Variants in BACE1 observed in about 807,000 individuals in gnomAD.
BACE1 encodes the protein beta-secretase 1, also known as APP beta-secretase.
In BACE1, 21 loss-of-function variants were observed where a neutral mutation model predicts 54.0. The observed-to-expected ratio is 0.39, with a 90% CI of 0.28 to 0.56. BACE1 has a LOEUF of 0.56. BACE1 is among the 20% of genes least tolerant of loss of function. The pLI is 0.63. For missense variants in BACE1, 511 were observed against 661.2 expected, an observed-to-expected ratio of 0.77 and a Z score of 2.49; for synonymous variants, 232 against 260.9, an observed-to-expected ratio of 0.89 and a Z score of 1.07.
chr11:117,305,116 G>A (rs1675212740), intron 1 of BACE1, among the ~76,000 whole-genome samples: 2 of 152,026 alleles, frequency 1.3e-5, no homozygotes, highest in Non-Finnish European at 2.9e-5. Flanking sequence ...TAGTACAGAC[G>A]GGGTTTCACC....
chr11:117,311,916 G>C (rs2034950907), intron 1 of BACE1, among the ~76,000 whole-genome samples: 1 of 152,322 alleles, frequency 6.6e-6, no homozygotes, highest in African/African-American at 2.4e-5. Flanking sequence ...TGGGATTACA[G>C]GCGTGAGCCA....
Position 117,315,384 on chromosome 11 carries a change from C to T in BACE1, c.261+151G>A. ...GGGAGCTTGGGAACACTTCTGCCAACAACCACGTGACCCCCGGGGAATGGC... is the reference window on the plus strand; with the variant it reads ...GGGAGCTTGGGAACACTTCTGCCAATAACCACGTGACCCCCGGGGAATGGC... On this transcript the variant is annotated intron_variant, in intron 1 of 8. Coordinates refer to ENST00000313005, the MANE Select transcript of BACE1 (RefSeq NM_012104.6). The surrounding 1 kb of genome is among the most constrained non-coding windows in gnomAD (Gnocchi z 5.5). 1 of 1,120,636 alleles carries T rather than the reference C, an allele frequency of 8.9e-7. No homozygotes were observed. The highest frequency in any genetic ancestry group is 3.1e-5 in the East Asian group (1 of 32,040). 69.4% of individuals were successfully genotyped at this position (1,120,636 alleles called of 1,614,324 possible).
rs1254944828 is a variant in BACE1 at position 117,305,830 on chromosome 11, TC to T, written c.262-8870del. On this transcript the variant is annotated intron_variant, in intron 1 of 8. Transcript: ENST00000313005. Reference sequence around the variant, plus strand: ...GCGGACGGATCACAAAGTCAGGAGATCGAGACCATCCTGGCTAACACGGTGA... The same window carrying T: ...GCGGACGGATCACAAAGTCAGGAGATGAGACCATCCTGGCTAACACGGTGA... 4.6e-5 allele frequency among the ~76,000 whole-genome samples: 7 copies of T among 151,852 alleles called. No individual in the cohort carries two copies. In the East Asian group the frequency reaches 1.4e-3, roughly 29 times the overall value.
intron 1 of BACE1, among the ~76,000 whole-genome samples, chr11:117,305,982 G>T (rs1263421316): frequency 2.0e-5 from 3 of 152,132 alleles, no homozygotes; most frequent in East Asian, 1.9e-4. Context: ...CTTGCAGTGA[G>T]CCCAGATCGC....
rs1204825643 is a variant in BACE1 at position 117,295,215 on chromosome 11, A to G, written c.483T>C (p.Ala161=). The change falls in exon 3 of 9, where the codon GCT becomes GCC. Residue 161 remains alanine, a synonymous_variant. Coordinates refer to ENST00000313005, the MANE Select transcript of BACE1 (RefSeq NM_012104.6). ...AGAACTTGTCTGATTCAGTGATGGC[A>G]GCAATGTTGGCACGCACAGTGACGT... is the stretch of plus-strand genomic sequence containing the variant. ...GPNVTVRANI[A]AITESDKFFI... 6.2e-7 allele frequency: 1 copy of G among 1,614,222 alleles called. No individual in the cohort carries two copies.
chr11:117,290,702 C>T (rs767393450), intron 7 of BACE1, 43 bp from the exon 8 acceptor site: 2 of 1,606,084 alleles, frequency 1.2e-6, no homozygotes, highest in Non-Finnish European at 1.7e-6. Context: ...CCTCACTCTC[C>T]TTCACCCCAT....
At chr11:117,295,055 C>T (rs1230288258) in intron 3 of BACE1, 76 bp downstream of exon 3, 74 of 1,395,410 alleles carry the variant, frequency 5.3e-5, no homozygotes, top group Non-Finnish European at 7.0e-5. Context: ...TGCTAATTCC[C>T]CTTCTCTCTC....
In BACE1 at chr11:117,295,545, C is replaced by G. The variant is rs780687954; in HGVS notation, c.351-198G>C. The G allele has an allele frequency of 2.6e-6, 4 of 1,535,770 alleles. No homozygotes were observed. In the South Asian group the frequency reaches 4.8e-5, roughly 18 times the overall value. Reference sequence around the variant, plus strand: ...GGGCTTGCAGATAGATGAAGGGAACCATTGGTGAGGCTTGCTCTCCTATCT... The same window carrying G: ...GGGCTTGCAGATAGATGAAGGGAACGATTGGTGAGGCTTGCTCTCCTATCT... On this transcript the variant is annotated intron_variant, in intron 2 of 8. Transcript: ENST00000313005.
Position 117,289,612 on chromosome 11 carries a change from C to T in BACE1, c.1460G>A (p.Arg487His), listed in dbSNP as rs375782412. ...VCQWRCLRCL[R>H]QQHDDFADDI... Reference sequence around the variant, plus strand: ...ATCAGCAAAGTCATCATGCTGCTGGCGCAGGCAGCGGAGGCAGCGCCACTG... The same window carrying T: ...ATCAGCAAAGTCATCATGCTGCTGGTGCAGGCAGCGGAGGCAGCGCCACTG... The change falls in exon 9 of 9, where the codon CGC (arginine) becomes CAC (histidine). Residue 487 changes from arginine to histidine, a missense_variant. Physicochemically the swap from Arg to His is conservative, Grantham distance 29. Transcript: ENST00000313005. The T allele has an allele frequency of 1.9e-5, 30 of 1,614,016 alleles. No individual in the cohort carries two copies. Among genetic ancestry groups the T allele is most frequent in the South Asian group, 9.9e-5 (9 of 91,078 alleles).
Position 117,293,763 on chromosome 11 carries a change from A to C in BACE1, c.705+108T>G, listed in dbSNP as rs897212787. On this transcript the variant is annotated intron_variant, in intron 4 of 8. Coordinates refer to ENST00000313005, the MANE Select transcript of BACE1 (RefSeq NM_012104.6). This position sits in a 1 kb window ranked among gnomAD's most constrained non-coding sequence, Gnocchi z 4.1. The stretch of plus-strand genomic sequence containing the variant: ...AGGGAATATAAAGAGGTTCCTCCTG[A>C]TTCTAAGTATCGGAGCCAAAACTGT... The C allele has an allele frequency of 1.4e-5, 17 of 1,209,096 alleles. No homozygotes were observed. In the South Asian group the frequency reaches 2.9e-4, roughly 21 times the overall value. The allele number at this position is 1,209,096 out of a possible 1,614,324, so 74.9% of individuals were successfully genotyped here. A position where few individuals can be genotyped will look rare whatever the true frequency, so the allele number is the denominator to read the frequency against.
chr11:117,290,112 C>A (rs1448963871), intron 8 of BACE1, among the ~76,000 whole-genome samples: 3 of 152,186 alleles, frequency 2.0e-5, no homozygotes, highest in Admixed American at 6.5e-5. Flanking sequence ...GTAAACTTAA[C>A]TTTCTGCTGC....
intron 8 of BACE1, among the ~76,000 whole-genome samples, 158 bp downstream of exon 8, chr11:117,290,330 C>A (rs924146040): frequency 2.0e-5 from 3 of 152,138 alleles, no homozygotes; most frequent in African/African-American, 7.2e-5. Context: ...AAAAAAAGGA[C>A]GAGCATTGAC....
In BACE1 at chr11:117,293,782, A is replaced by G; in HGVS notation, c.705+89T>C. 7.1e-7 allele frequency: 1 copy of G among 1,414,166 alleles called. No homozygotes were observed. 87.6% of individuals were successfully genotyped at this position (1,414,166 alleles called of 1,614,324 possible). Reference sequence around the variant, plus strand: ...CTCCTGATTCTAAGTATCGGAGCCAAAACTGTGGTGTAGCTTTCAGGAAGG... The same window carrying G: ...CTCCTGATTCTAAGTATCGGAGCCAGAACTGTGGTGTAGCTTTCAGGAAGG... On this transcript the variant is annotated intron_variant, in intron 4 of 8. Transcript: ENST00000313005. The surrounding 1 kb of genome is among the most constrained non-coding windows in gnomAD (Gnocchi z 4.1).
In BACE1 at chr11:117,293,114, A is replaced by G. The variant is rs957543203; in HGVS notation, c.780T>C (p.Tyr260=). The G allele has an allele frequency of 1.2e-6, 2 of 1,614,064 alleles. No homozygotes were observed. The highest frequency in any genetic ancestry group is 1.7e-5 in the Admixed American group (1 of 60,008). ...TCTCCACCCGCACAATGATCACCTC[A>G]TAATACCACTCCCGCCGGATGGGTG... ...WYTPIRREWY[Y]EVIIVRVEIN... Residue 260 remains tyrosine (Y), a synonymous_variant, in exon 5 of 9, where the codon TAT becomes TAC. Coordinates refer to ENST00000313005, the MANE Select transcript of BACE1 (RefSeq NM_012104.6). This position sits in a 1 kb window ranked among gnomAD's most constrained non-coding sequence, Gnocchi z 4.1.
In BACE1 at chr11:117,293,383, T is replaced by A. The variant is rs1389957073; in HGVS notation, c.706-195A>T. On this transcript the variant is annotated intron_variant, in intron 4 of 8. Coordinates refer to ENST00000313005, the MANE Select transcript of BACE1 (RefSeq NM_012104.6). The surrounding 1 kb of genome is among the most constrained non-coding windows in gnomAD (Gnocchi z 4.1). ...CTTAAATGTGTTCAGGAGAAAAGAC[T>A]TTCCGGGATTTTTAATTATTTGTTT... 4.2e-6 allele frequency: 2 copies of A among 474,218 alleles called. No homozygotes were observed. Among genetic ancestry groups the A allele is most frequent in the Non-Finnish European group, 7.1e-6 (2 of 279,738 alleles). 29.4% of individuals were successfully genotyped at this position (474,218 alleles called of 1,614,324 possible).
At chr11:117,313,658 G>C (rs947077929) in intron 1 of BACE1, among the ~76,000 whole-genome samples, 2 of 152,086 alleles carry the variant, frequency 1.3e-5, no homozygotes, top group African/African-American at 4.8e-5. Context: ...AGCTGGTCTC[G>C]AACTCCTGAC....
In BACE1 at chr11:117,287,178, T is replaced by G. The variant is rs1394433479; in HGVS notation, c.*2388A>C. The G allele has an allele frequency of 3.3e-5, 5 of 152,084 alleles. No individual in the cohort carries two copies. The highest frequency in any genetic ancestry group is 7.4e-5 in the Non-Finnish European group (5 of 68,014). 9.4% of individuals were successfully genotyped at this position (152,084 alleles called of 1,614,324 possible). A position where few individuals can be genotyped will look rare whatever the true frequency, so the allele number is the denominator to read the frequency against. ...AAGCCCACTCTTGCAGGAGGATAAG[T>G]GTTTTGGAGAGTTGTGCATGGGAGC... On this transcript the variant is annotated 3_prime_UTR_variant, in exon 9 of 9. Coordinates refer to ENST00000313005, the MANE Select transcript of BACE1 (RefSeq NM_012104.6).
intron 1 of BACE1, among the ~76,000 whole-genome samples, chr11:117,303,339 G>A (rs143811047): frequency 2.0e-5 from 3 of 152,150 alleles, no homozygotes; most frequent in Admixed American, 6.5e-5. Context: ...ACAAACAAAC[G>A]TGTCCCTGGG....
intron 1 of BACE1, among the ~76,000 whole-genome samples, chr11:117,301,602 G>A (rs1311358410): frequency 4.0e-5 from 6 of 148,980 alleles, no homozygotes; most frequent in South Asian, 2.1e-4. Flanking sequence ...GAACAAGACC[G>A]TCTCAAAAAA....
Sources: allele counts gnomAD v4.1 joint callset (sites outside exome capture counted in the v4.1 genomes callset), GRCh38; gene constraint gnomAD v4.1.1; non-coding constraint Gnocchi (gnomAD v3.1); transcripts MANE v1.5; gene names NCBI Gene and HGNC (gene_info 2026-07-23, HGNC 2026-07-21).